Variants in ZNF618 observed in about 807,000 individuals in gnomAD.
ZNF618 encodes neural precursor cell expressed, developmentally down-regulated 10.
Under a neutral mutation model 103.0 loss-of-function variants are expected in ZNF618, and 34 were observed. That is an observed-to-expected ratio of 0.33 (90% CI 0.25 to 0.44). The LOEUF (loss-of-function observed/expected upper bound fraction) is 0.44. Ranked by LOEUF, ZNF618 falls within the 20% of genes least tolerant of loss-of-function variation. The probability of loss-of-function intolerance (pLI) is 1.00; values close to 1 mark genes in which losing one functional copy is unlikely to be tolerated. For synonymous variants in ZNF618, 551 were observed against 542.2 expected (o/e 1.02, Z -0.23); for missense variants, 1,059 against 1,295.4 (o/e 0.82, Z 2.80).
intron 1 of ZNF618, among the ~76,000 whole-genome samples, chr9:113,923,505 G>C (rs10122390): frequency 0.4 from 60,863 of 151,924 alleles, 13,558 homozygotes; most frequent in Non-Finnish European, 0.51. Context: ...TTATGAATGA[G>C]TGTCAAATCT....
intron 12 of ZNF618, among the ~76,000 whole-genome samples, chr9:114,034,430 ACTG>A (rs757107928): frequency 3.3e-5 from 5 of 151,754 alleles, no homozygotes; most frequent in Admixed American, 1.3e-4. Context: ...TAGCGCAAGC[ACTG>A]CTGCTGCTGC....
At chr9:114,034,046 T>TA (rs2134291291) in intron 12 of ZNF618, among the ~76,000 whole-genome samples, 1 of 152,344 alleles carries the variant, frequency 6.6e-6, no homozygotes, top group African/African-American at 2.4e-5. Context: ...CCTCCTCTGC[T>TA]GTAAAGTGGC....
intron 3 of ZNF618, among the ~76,000 whole-genome samples, chr9:113,993,323 A>G (rs1285910220): frequency 1.3e-5 from 2 of 152,204 alleles, no homozygotes; most frequent in African/African-American, 4.8e-5. Flanking sequence ...ATTACTGTAC[A>G]TTGTCCAATG....
intron 1 of ZNF618, among the ~76,000 whole-genome samples, chr9:113,884,770 CACACAGAGAG>C (rs1828894576): frequency 8.8e-6 from 1 of 114,148 alleles, no homozygotes; most frequent in Non-Finnish European, 1.7e-5. Flanking sequence ...GAGACACAAA[CACACAGAGAG>C]AGAGAGAGAG....
At chr9:113,994,535 A>G (rs150826686) in intron 3 of ZNF618, among the ~76,000 whole-genome samples, 197 of 152,312 alleles carry the variant, frequency 1.3e-3, no homozygotes, top group African/African-American at 4.3e-3. Flanking sequence ...CCCAGGGTTT[A>G]CCCTACTGTG....
At chr9:113,902,599 C>G (rs750509382) in intron 1 of ZNF618, among the ~76,000 whole-genome samples, 1 of 152,190 alleles carries the variant, frequency 6.6e-6, no homozygotes, top group Non-Finnish European at 1.5e-5. Flanking sequence ...ATAAATAATA[C>G]AGTGTTTGAA....
At chr9:113,959,554 G>A (rs1836645875) in intron 1 of ZNF618, among the ~76,000 whole-genome samples, 1 of 152,172 alleles carries the variant, frequency 6.6e-6, no homozygotes, top group Non-Finnish European at 1.5e-5. Context: ...TAGCCCTGCA[G>A]GGGAGGCTGC....
At chr9:113,917,716 A>G (rs16910570) in intron 1 of ZNF618, among the ~76,000 whole-genome samples, 5,703 of 152,180 alleles carry the variant, frequency 0.037, 112 homozygotes, top group African/African-American at 0.057. Flanking sequence ...TCTCTTTCCC[A>G]ATAAGGTAAG....
intron 1 of ZNF618, among the ~76,000 whole-genome samples, chr9:113,891,028 A>G (rs889918767): frequency 3.9e-5 from 6 of 151,972 alleles, no homozygotes; most frequent in Non-Finnish European, 5.9e-5. Context: ...TTTAGATTCC[A>G]TTTTTTTCCC....
intron 13 of ZNF618, among the ~76,000 whole-genome samples, chr9:114,038,903 C>T (rs576410757): frequency 2.3e-4 from 35 of 152,330 alleles, no homozygotes; most frequent in Middle Eastern, 6.8e-3. Context: ...TGAGCTTTTA[C>T]GTGGCGCCAG....
At chr9:114,035,421 G>A (rs947617226) in intron 12 of ZNF618, among the ~76,000 whole-genome samples, 10 of 152,302 alleles carry the variant, frequency 6.6e-5, no homozygotes, top group African/African-American at 2.4e-4. Flanking sequence ...CAGTTTGGAC[G>A]GGGTGGGGCA....
At chr9:113,978,017 T>C (rs1172587739) in intron 2 of ZNF618, among the ~76,000 whole-genome samples, 1 of 152,250 alleles carries the variant, frequency 6.6e-6, no homozygotes, top group Non-Finnish European at 1.5e-5. Flanking sequence ...GATATATTTA[T>C]GCATTGTAGG....
intron 1 of ZNF618, among the ~76,000 whole-genome samples, chr9:113,877,951 A>G (rs1390186995): frequency 6.6e-6 from 1 of 152,166 alleles, no homozygotes; most frequent in Non-Finnish European, 1.5e-5. Flanking sequence ...GAATCAATTG[A>G]TGAAGACAAG....
intron 4 of ZNF618, among the ~76,000 whole-genome samples, chr9:114,000,356 T>A (rs1841068508): frequency 6.6e-6 from 1 of 152,196 alleles, no homozygotes; most frequent in South Asian, 2.1e-4. Flanking sequence ...AAAAAGGATG[T>A]GTCCGAGATC....
At position 114,054,965 on chromosome 9, in the gene ZNF618, G is replaced by A. The variant is rs1394118105; in HGVS notation, c.*4798G>A. On this transcript the variant is annotated 3_prime_UTR_variant, in exon 15 of 15. Coordinates refer to ENST00000374126, the MANE Select transcript of ZNF618 (RefSeq NM_001318042.2). ...CCACCCCCCCGCCCACCCACCACGGGTGTCGCTTTAAAGAGTCAATTCTTG... is the reference window on the plus strand; with the variant it reads ...CCACCCCCCCGCCCACCCACCACGGATGTCGCTTTAAAGAGTCAATTCTTG... 3.3e-5 allele frequency: 2 copies of A among 60,154 alleles called. No individual in the cohort carries two copies. The highest frequency in any genetic ancestry group is 6.3e-5 in the Non-Finnish European group (2 of 31,668). The allele number at this position is 60,154 out of a possible 1,614,324, so 3.7% of individuals were successfully genotyped here. A position where few individuals can be genotyped will look rare whatever the true frequency, so the allele number is the denominator to read the frequency against.
intron 4 of ZNF618, 147 bp downstream of exon 4, chr9:113,998,501 C>T: frequency 1.4e-6 from 1 of 700,954 alleles, no homozygotes. Flanking sequence ...ATCCCCTGTC[C>T]TGGCTACATG....
At chr9:113,906,146 A>G (rs1182512462) in intron 1 of ZNF618, among the ~76,000 whole-genome samples, 3 of 152,204 alleles carry the variant, frequency 2.0e-5, no homozygotes, top group Admixed American at 6.5e-5. Context: ...GGAAGATAGC[A>G]TACCAGAAGA....
At chr9:113,906,146 A>C (rs1182512462) in intron 1 of ZNF618, among the ~76,000 whole-genome samples, 1 of 152,204 alleles carries the variant, frequency 6.6e-6, no homozygotes, top group Non-Finnish European at 1.5e-5. Flanking sequence ...GGAAGATAGC[A>C]TACCAGAAGA....
At position 113,991,350 on chromosome 9, in the gene ZNF618, G is replaced by T. The variant is rs78384182; in HGVS notation, c.337+2770G>T. ...GGCGGCAGTGGAAGGAAACAGTGTT[G>T]CCTGAGGAGAATGAGCTGGGATCCT... On this transcript the variant is annotated intron_variant, in intron 3 of 14. Coordinates refer to ENST00000374126, the MANE Select transcript of ZNF618 (RefSeq NM_001318042.2). Among the ~76,000 whole-genome samples the T allele has an allele frequency of 9.2e-3, 1,404 of 152,344 alleles. 23 individuals carry two copies. The highest frequency in any genetic ancestry group is 0.027 in the African/African-American group (1,129 of 41,578).
Sources: gnomAD v4.1 joint callset for allele counts (sites outside exome capture counted in the v4.1 genomes callset) on GRCh38, gnomAD v4.1.1 for gene constraint, MANE v1.5 for transcripts, NCBI Gene and HGNC (gene_info 2026-07-23, HGNC 2026-07-21) for gene names.